NOL4: variants seen among roughly 807,000 people sequenced by gnomAD.
NOL4 encodes the protein cancer/testis antigen 125.
Under a neutral mutation model 75.9 loss-of-function variants are expected in NOL4, and 17 were observed. The observed-to-expected ratio is 0.22, with a 90% CI of 0.15 to 0.34. NOL4 has a LOEUF of 0.34. NOL4 is among the 10% of genes least tolerant of loss of function. NOL4 has a pLI of 1.00. For synonymous variants in NOL4, 292 were observed against 289.9 expected (o/e 1.01, Z -0.07); for missense variants, 614 against 793.5 (o/e 0.77, Z 2.72).
At chr18:34,210,892 A>T (rs2146557800) in intron 1 of NOL4, among the ~76,000 whole-genome samples, 1 of 152,340 alleles carries the variant, frequency 6.6e-6, no homozygotes, top group Non-Finnish European at 1.5e-5. Flanking sequence ...AGTGGAATAG[A>T]TATATAATTT....
Position 34,131,624 on chromosome 18 carries a change from A to C in NOL4, c.265-1604T>G, listed in dbSNP as rs568361726. 5.3e-5 allele frequency among the ~76,000 whole-genome samples: 8 copies of C among 152,212 alleles called. No homozygotes were observed. The South Asian group carries it at 1.7e-3, about 32-fold the overall frequency. ...TTGCTGGAAAAACAAAAAATATGAT[A>C]ATCTTTTACACTTAGTCTGTATTTA... On this transcript the variant is annotated intron_variant, in intron 1 of 10. Coordinates refer to ENST00000261592, the MANE Select transcript of NOL4 (RefSeq NM_003787.5).
At chr18:33,955,813 A>G (rs1344289183) in intron 8 of NOL4, among the ~76,000 whole-genome samples, 1 of 152,148 alleles carries the variant, frequency 6.6e-6, no homozygotes, top group Non-Finnish European at 1.5e-5. Context: ...AAGGGAAAAG[A>G]GTCAATTGCA....
intron 1 of NOL4, among the ~76,000 whole-genome samples, chr18:34,219,180 G>T (rs1460950662): frequency 6.6e-6 from 1 of 152,102 alleles, no homozygotes; most frequent in African/African-American, 2.4e-5. Flanking sequence ...ATTCATTTAA[G>T]ACCTGTATTG....
chr18:34,150,451 T>G (rs1040487030), intron 1 of NOL4, among the ~76,000 whole-genome samples: 6 of 151,686 alleles, frequency 4.0e-5, no homozygotes, highest in Admixed American at 2.6e-4. Context: ...TATAGTCAAC[T>G]GATCTTTGAC....
At chr18:34,215,806 C>T (rs1441005836) in intron 1 of NOL4, among the ~76,000 whole-genome samples, 3 of 152,084 alleles carry the variant, frequency 2.0e-5, no homozygotes, top group African/African-American at 4.8e-5. Flanking sequence ...TATAATTTTG[C>T]TCCCCCAAAA....
chr18:33,896,725 C>G (rs2065432583), intron 9 of NOL4, among the ~76,000 whole-genome samples: 1 of 152,066 alleles, frequency 6.6e-6, no homozygotes, highest in Non-Finnish European at 1.5e-5. Flanking sequence ...GATTTCATGA[C>G]AAAGACACCA....
intron 9 of NOL4, among the ~76,000 whole-genome samples, chr18:33,940,440 T>G (rs1020430537): frequency 2.6e-5 from 4 of 152,008 alleles, no homozygotes; most frequent in African/African-American, 9.7e-5. Context: ...CTCAGCCAAC[T>G]AACACAAGAA....
At chr18:33,894,159 C>G (rs902874723) in intron 9 of NOL4, among the ~76,000 whole-genome samples, 11 of 152,100 alleles carry the variant, frequency 7.2e-5, no homozygotes, top group African/African-American at 2.2e-4. Context: ...AGCAAGTGTT[C>G]CAGAACTAAG....
chr18:33,943,046 C>T lies in NOL4; in HGVS notation c.1542+19G>A. On this transcript the variant is annotated intron_variant, in intron 9 of 10. Coordinates refer to ENST00000261592, the MANE Select transcript of NOL4 (RefSeq NM_003787.5). ...TTTGCTATAGCTGGTGTTCACCAGA[C>T]TTCAAGATGCCTCAGTACCTGCTGT... 7 of 1,546,586 alleles carry T rather than the reference C, an allele frequency of 4.5e-6. No homozygotes were observed. Among genetic ancestry groups the T allele is most frequent in the Non-Finnish European group, 6.2e-6 (7 of 1,121,152 alleles).
intron 9 of NOL4, among the ~76,000 whole-genome samples, chr18:33,938,674 T>C (rs564237202): frequency 6.6e-6 from 1 of 152,296 alleles, no homozygotes; most frequent in South Asian, 2.1e-4. Flanking sequence ...TTCTGGATAT[T>C]AGCCCTTTGT....
intron 8 of NOL4, among the ~76,000 whole-genome samples, chr18:33,948,704 T>C (rs1475888955): frequency 6.6e-6 from 1 of 152,036 alleles, no homozygotes; most frequent in African/African-American, 2.4e-5. Context: ...TAGAAGTCCA[T>C]GAGAAATGTG....
At chr18:34,041,316 C>G (rs192697065) in intron 5 of NOL4, among the ~76,000 whole-genome samples, 1 of 151,588 alleles carries the variant, frequency 6.6e-6, no homozygotes, top group East Asian at 1.9e-4. Flanking sequence ...GCAATTGTAA[C>G]AAAAACTGAG....
intron 1 of NOL4, among the ~76,000 whole-genome samples, chr18:34,140,402 C>T (rs1359571719): frequency 6.6e-6 from 1 of 152,138 alleles, no homozygotes; most frequent in African/African-American, 2.4e-5. Context: ...GTTAGCCCTT[C>T]TTGTTGAATT....
chr18:33,878,148 G>A (rs541016380), intron 10 of NOL4, among the ~76,000 whole-genome samples: 1 of 152,164 alleles, frequency 6.6e-6, no homozygotes, highest in Admixed American at 6.6e-5. Context: ...AGAATTGGTT[G>A]AAAGTCAGGA....
chr18:34,068,048 A>G (rs1377272702), intron 5 of NOL4, among the ~76,000 whole-genome samples: 1 of 152,214 alleles, frequency 6.6e-6, no homozygotes, highest in Non-Finnish European at 1.5e-5. Context: ...AGAAAAAATT[A>G]AGAAAGAAAA....
intron 1 of NOL4, among the ~76,000 whole-genome samples, chr18:34,160,865 A>G (rs1450416721): frequency 6.6e-6 from 1 of 152,164 alleles, no homozygotes; most frequent in Non-Finnish European, 1.5e-5. Context: ...AATATACAAT[A>G]TATTGTTGCT....
intron 1 of NOL4, among the ~76,000 whole-genome samples, chr18:34,201,739 A>G (rs964728402): frequency 7.2e-5 from 11 of 151,876 alleles, no homozygotes; most frequent in Non-Finnish European, 8.8e-5. Context: ...ACCACCTGAA[A>G]TCTTTCAAAA....
chr18:34,123,458 GATAA>G (rs937178942), intron 2 of NOL4, among the ~76,000 whole-genome samples: 11 of 148,586 alleles, frequency 7.4e-5, no homozygotes, highest in African/African-American at 2.5e-4. Flanking sequence ...GTGTGTAACT[GATAA>G]ATAAACCAAT....
At chr18:34,018,864 A>C (rs1324140540) in intron 6 of NOL4, among the ~76,000 whole-genome samples, 1 of 152,190 alleles carries the variant, frequency 6.6e-6, no homozygotes, top group Non-Finnish European at 1.5e-5. Context: ...TCCACAAAGA[A>C]AATTACTGAT....
Sources: allele counts gnomAD v4.1 joint callset (sites outside exome capture counted in the v4.1 genomes callset), GRCh38; gene constraint gnomAD v4.1.1; transcripts MANE v1.5; gene names NCBI Gene and HGNC (gene_info 2026-07-23, HGNC 2026-07-21).